ZC3H7B: variants seen among roughly 807,000 people sequenced by gnomAD.
The protein encoded by ZC3H7B is zinc finger CCCH-type containing 7B.
Under a neutral mutation model 116.0 loss-of-function variants are expected in ZC3H7B, and 35 were observed. That is an observed-to-expected ratio of 0.30 (90% CI 0.23 to 0.40). The LOEUF (loss-of-function observed/expected upper bound fraction) is 0.40. ZC3H7B is among the 10% of genes least tolerant of loss of function. The pLI, the probability that ZC3H7B is intolerant of heterozygous loss-of-function variation, is 1.00. For missense variants in ZC3H7B, 1,011 were observed against 1,321.5 expected, an observed-to-expected ratio of 0.77 and a Z score of 3.64; for synonymous variants, 502 against 545.6, an observed-to-expected ratio of 0.92 and a Z score of 1.11.
chr22:41,331,507 A>T (rs1252639575), intron 6 of ZC3H7B, among the ~76,000 whole-genome samples: 3 of 146,118 alleles, frequency 2.1e-5, no homozygotes. Context: ...GTGAGCAGAG[A>T]TCGTGCCACT....
intron 1 of ZC3H7B, among the ~76,000 whole-genome samples, chr22:41,318,779 C>G (rs960250006): frequency 6.6e-6 from 1 of 152,098 alleles, no homozygotes; most frequent in African/African-American, 2.4e-5. Context: ...GCTAATCTCT[C>G]TGACCTTCCT....
intron 11 of ZC3H7B, among the ~76,000 whole-genome samples, chr22:41,342,158 C>T (rs1440872047): frequency 6.6e-6 from 1 of 152,156 alleles, no homozygotes; most frequent in East Asian, 1.9e-4. Context: ...GCCTTCCTCC[C>T]CATCTGCTGA....
intron 1 of ZC3H7B, among the ~76,000 whole-genome samples, chr22:41,319,394 C>T (rs1349695037): frequency 6.6e-6 from 1 of 151,626 alleles, no homozygotes; most frequent in East Asian, 1.9e-4. Flanking sequence ...GAGCAGAACT[C>T]CCTCTCAAAA....
rs915560985 is a variant in ZC3H7B at position 41,338,865 on chromosome 22, G to A, written c.626-136G>A. ...TGAGCATCTGCCAGTGGGATCAGCCGATGGGGAAGGCAGGGCTCCTGGCAA... is the reference window on the plus strand; with the variant it reads ...TGAGCATCTGCCAGTGGGATCAGCCAATGGGGAAGGCAGGGCTCCTGGCAA... On this transcript the variant is annotated intron_variant, in intron 8 of 22. Coordinates refer to ENST00000352645, the MANE Select transcript of ZC3H7B (RefSeq NM_017590.6). The surrounding 1 kb of genome is among the most constrained non-coding windows in gnomAD (Gnocchi z 4.5). The A allele has an allele frequency of 1.5e-5, 15 of 1,025,108 alleles. No homozygotes were observed. Among genetic ancestry groups the A allele is most frequent in the East Asian group, 2.6e-5 (1 of 39,014 alleles). 63.5% of individuals were successfully genotyped at this position (1,025,108 alleles called of 1,614,324 possible).
At chr22:41,334,022 C>G (rs1329189909) in intron 7 of ZC3H7B, 1 of 152,252 alleles carries the variant, frequency 6.6e-6, no homozygotes, top group Non-Finnish European at 1.5e-5. Flanking sequence ...TGCAAAGGCC[C>G]TGAGGCCTGG....
At chr22:41,331,415 G>GC (rs111779762) in intron 6 of ZC3H7B, among the ~76,000 whole-genome samples, 58,819 of 149,922 alleles carry the variant, frequency 0.39, 13,702 homozygotes, top group African/African-American at 0.61. Flanking sequence ...AATTAGCGGG[G>GC]GTGGTAGCGA....
chr22:41,309,919 T>C (rs112538579), intron 1 of ZC3H7B, among the ~76,000 whole-genome samples: 4 of 151,888 alleles, frequency 2.6e-5, no homozygotes, highest in African/African-American at 4.8e-5. Context: ...GAAATCAACA[T>C]TGATGGCTGA....
intron 15 of ZC3H7B, among the ~76,000 whole-genome samples, chr22:41,348,592 A>T (rs2036618255): frequency 6.6e-6 from 1 of 152,056 alleles, no homozygotes; most frequent in South Asian, 2.1e-4. Context: ...GTCTGGCACC[A>T]CCCCTTTCTC....
chr22:41,332,597 A>C (rs1601779794), intron 7 of ZC3H7B: 4 of 211,570 alleles, frequency 1.9e-5, no homozygotes, highest in Non-Finnish European at 2.8e-5. Context: ...CCTCTTCCCC[A>C]CCCTGCCTTT....
rs9607793 is a variant in ZC3H7B at position 41,340,086 on chromosome 22, G to A, written c.1087G>A (p.Asp363Asn). ...PYSETRLDALDSFGSTRGSLD... is the reference protein window; with the variant it reads ...PYSETRLDALNSFGSTRGSLD... ...CTCGGAGACCCGGCTGGATGCACTCGACAGCTTTGGGTCGACACGAGGCTC... is the reference window on the plus strand; with the variant it reads ...CTCGGAGACCCGGCTGGATGCACTCAACAGCTTTGGGTCGACACGAGGCTC... Residue 363 changes from aspartate to asparagine, a missense_variant, in exon 10 of 23, where the codon GAC becomes AAC. By Grantham distance (23) the Asp-to-Asn change is conservative (BLOSUM62 1). Coordinates refer to ENST00000352645, the MANE Select transcript of ZC3H7B (RefSeq NM_017590.6). 0.015 allele frequency: 24,654 copies of A among 1,611,916 alleles called. 232 individuals carry two copies. The highest frequency in any genetic ancestry group is 0.017 in the Non-Finnish European group (20,582 of 1,179,806).
Position 41,357,655 on chromosome 22 carries a change from T to C in ZC3H7B, c.*226T>C. ...GGCCCCGCTGAAACCTGGGCTGCCC[T>C]TCCCCCACCCCCACGGCTCTCCTGG... On this transcript the variant is annotated 3_prime_UTR_variant, in exon 23 of 23. Transcript: ENST00000352645. This position sits in a 1 kb window ranked among gnomAD's most constrained non-coding sequence, Gnocchi z 5.4. 1 of 615,302 alleles carries C rather than the reference T, an allele frequency of 1.6e-6. No homozygotes were observed. Among genetic ancestry groups the C allele is most frequent in the Non-Finnish European group, 2.8e-6 (1 of 360,594 alleles). The allele number at this position is 615,302 out of a possible 1,614,324, so 38.1% of individuals were successfully genotyped here. A position where few individuals can be genotyped will look rare whatever the true frequency, so the allele number is the denominator to read the frequency against.
At chr22:41,344,418 C>A (rs568438994) in intron 13 of ZC3H7B, among the ~76,000 whole-genome samples, 18 of 152,332 alleles carry the variant, frequency 1.2e-4, no homozygotes, top group Non-Finnish European at 2.4e-4. Flanking sequence ...AAGACCTACA[C>A]GTGCCCGTAT....
chr22:41,311,235 G>A (rs964090484), intron 1 of ZC3H7B, among the ~76,000 whole-genome samples: 1 of 152,004 alleles, frequency 6.6e-6, no homozygotes, highest in African/African-American at 2.4e-5. Context: ...GGCAAGAGAT[G>A]TTGAGGGTCC....
In ZC3H7B at chr22:41,312,468, G is replaced by A. The variant is rs1243234581; in HGVS notation, c.-6-8187G>A. ...ATAATAATAATAATAATAATAATAC[G>A]TCCTACACCTGTAGTCCCAGCTACT... On this transcript the variant is annotated intron_variant, in intron 1 of 22. Transcript: ENST00000352645. Among the ~76,000 whole-genome samples the A allele has an allele frequency of 6.0e-5, 9 of 150,404 alleles. No individual in the cohort carries two copies. In the South Asian group the frequency reaches 6.3e-4, roughly 11 times the overall value.
At chr22:41,317,794 A>C (rs1445871991) in intron 1 of ZC3H7B, among the ~76,000 whole-genome samples, 1 of 151,966 alleles carries the variant, frequency 6.6e-6, no homozygotes, top group Non-Finnish European at 1.5e-5. Context: ...AAAACAAAGA[A>C]ATTTTTTTCC....
At chr22:41,352,622 C>T (rs951633884) in intron 17 of ZC3H7B, among the ~76,000 whole-genome samples, 1 of 151,812 alleles carries the variant, frequency 6.6e-6, no homozygotes, top group Admixed American at 6.6e-5. Flanking sequence ...ATTAGCTGGG[C>T]GTGGTGGCGG....
intron 5 of ZC3H7B, among the ~76,000 whole-genome samples, chr22:41,328,693 G>A (rs983058904): frequency 6.6e-6 from 1 of 152,140 alleles, no homozygotes; most frequent in Non-Finnish European, 1.5e-5. Flanking sequence ...AGCCTTGGAA[G>A]GGAAGGAAGG....
At position 41,327,298 on chromosome 22, in the gene ZC3H7B, C is replaced by T; in HGVS notation, c.378C>T (p.Leu126=). Residue 126 remains leucine, a synonymous_variant, in exon 5 of 23, where the codon CTC becomes CTT. Transcript: ENST00000352645. The surrounding 1 kb of genome is among the most constrained non-coding windows in gnomAD (Gnocchi z 4.5). Reference sequence around the variant, plus strand: ...CGTTGTTCCGCAAGGCACGCGCTCTCAATGAACTGGGACGCCACAAGGAGG... The same window carrying T: ...CGTTGTTCCGCAAGGCACGCGCTCTTAATGAACTGGGACGCCACAAGGAGG... The part of the protein sequence containing the change: ...IRALFRKARA[L]NELGRHKEAY... 6.2e-7 allele frequency: 1 copy of T among 1,613,946 alleles called. No individual in the cohort carries two copies. The highest frequency in any genetic ancestry group is 8.5e-7 in the Non-Finnish European group (1 of 1,180,046).
At chr22:41,314,300 G>A (rs143586843) in intron 1 of ZC3H7B, among the ~76,000 whole-genome samples, 1 of 151,716 alleles carries the variant, frequency 6.6e-6, no homozygotes, top group East Asian at 2.0e-4. Context: ...GGGACTATAG[G>A]CGAGTGCCAC....
Sources: allele counts gnomAD v4.1 joint callset (sites outside exome capture counted in the v4.1 genomes callset), GRCh38; gene constraint gnomAD v4.1.1; non-coding constraint Gnocchi (gnomAD v3.1); transcripts MANE v1.5; gene names NCBI Gene and HGNC (gene_info 2026-07-23, HGNC 2026-07-21).